LRP1B: variants seen among roughly 807,000 people sequenced by gnomAD.
LRP1B encodes the protein LDL receptor related protein 1B.
LRP1B carries 217 observed loss-of-function variants against 556.6 expected under a neutral mutation model. The observed-to-expected ratio is 0.39, with a 90% CI of 0.35 to 0.44. The LOEUF (loss-of-function observed/expected upper bound fraction) is 0.44. LRP1B is among the 20% of genes least tolerant of loss of function. The pLI is 1.00. For synonymous variants in LRP1B, 2,047 were observed against 1,865.8 expected (o/e 1.10, Z -2.50); for missense variants, 5,053 against 5,620.8 (o/e 0.90, Z 3.23).
chr2:140,613,613 G>T (rs1479093382), intron 41 of LRP1B, among the ~76,000 whole-genome samples: 3 of 150,904 alleles, frequency 2.0e-5, no homozygotes, highest in African/African-American at 4.9e-5. Flanking sequence ...TTCTCAACTA[G>T]GCCTCAGCCT....
chr2:141,376,072 T>C (rs1689421841), intron 3 of LRP1B, among the ~76,000 whole-genome samples: 1 of 152,170 alleles, frequency 6.6e-6, no homozygotes, highest in South Asian at 2.1e-4. Context: ...AGGAGTGCCA[T>C]GTCTCCCTTC....
At chr2:142,120,487 CT>C (rs1707423076) in intron 1 of LRP1B, among the ~76,000 whole-genome samples, 1 of 152,076 alleles carries the variant, frequency 6.6e-6, no homozygotes, top group Admixed American at 6.6e-5. Context: ...AATTTCTTCC[CT>C]TTTTCCTAAT....
At chr2:141,010,523 C>T (rs1369642280) in intron 14 of LRP1B, among the ~76,000 whole-genome samples, 1 of 148,156 alleles carries the variant, frequency 6.7e-6, no homozygotes, top group Non-Finnish European at 1.5e-5. Context: ...TGACAAGTCT[C>T]TTTTTTTTTT....
At chr2:141,792,300 C>T (rs1695640600) in intron 2 of LRP1B, among the ~76,000 whole-genome samples, 1 of 151,936 alleles carries the variant, frequency 6.6e-6, no homozygotes, top group Non-Finnish European at 1.5e-5. Flanking sequence ...CAGACCCATA[C>T]TTTTGACATT....
rs144153467 is a variant in LRP1B, at chr2:140,355,468, C to T, written c.11530+874G>A. Among the ~76,000 whole-genome samples, 176 of 152,008 alleles carry T rather than the reference C, an allele frequency of 1.2e-3. 4 individuals are homozygous for T. The highest frequency in any genetic ancestry group is 4.0e-3 in the African/African-American group (167 of 41,534). ...TAACTCAAAATGTAGATAAACATGA[C>T]GTGACTACACTTTTTCCCCTTTTGG... On this transcript the variant is annotated intron_variant, in intron 75 of 90. Coordinates refer to ENST00000389484, the MANE Select transcript of LRP1B (RefSeq NM_018557.3).
intron 1 of LRP1B, among the ~76,000 whole-genome samples, chr2:142,072,043 C>T (rs1232309860): frequency 1.3e-5 from 2 of 151,896 alleles, no homozygotes; most frequent in South Asian, 2.1e-4. Flanking sequence ...TCCCCATGCC[C>T]GAATAAGTAC....
At chr2:141,951,163 A>G (rs746494966) in intron 1 of LRP1B, among the ~76,000 whole-genome samples, 80 of 152,010 alleles carry the variant, frequency 5.3e-4, no homozygotes, top group Non-Finnish European at 9.0e-4. Flanking sequence ...GCTTTCTTCT[A>G]TGATCATTCC....
intron 7 of LRP1B, among the ~76,000 whole-genome samples, chr2:141,119,056 A>G (rs1238316119): frequency 6.6e-6 from 1 of 151,976 alleles, no homozygotes; most frequent in Non-Finnish European, 1.5e-5. Flanking sequence ...TGGAGACAAG[A>G]AGAGAGAAAA....
At chr2:141,283,047 G>A (rs1251036425) in intron 3 of LRP1B, among the ~76,000 whole-genome samples, 1 of 152,094 alleles carries the variant, frequency 6.6e-6, no homozygotes, top group Non-Finnish European at 1.5e-5. Flanking sequence ...GCCTAGCATG[G>A]TGCCTTGCTT....
At chr2:140,326,405 G>A (rs1318058326) in intron 79 of LRP1B, among the ~76,000 whole-genome samples, 2 of 152,036 alleles carry the variant, frequency 1.3e-5, no homozygotes, top group Admixed American at 6.6e-5. Flanking sequence ...TCGGATATCT[G>A]TGTGCATGCT....
chr2:141,927,248 C>T (rs1394839435), intron 1 of LRP1B, among the ~76,000 whole-genome samples: 2 of 152,060 alleles, frequency 1.3e-5, no homozygotes, highest in African/African-American at 4.8e-5. Flanking sequence ...TTATTATAAA[C>T]AGTCATATAC....
chr2:141,399,991 G>T (rs1690389953), intron 3 of LRP1B, among the ~76,000 whole-genome samples: 1 of 152,024 alleles, frequency 6.6e-6, no homozygotes, highest in African/African-American at 2.4e-5. Flanking sequence ...GTTTGGTTTG[G>T]TTTGATTTTT....
chr2:142,124,277 C>T (rs1397377140), intron 1 of LRP1B, among the ~76,000 whole-genome samples: 1 of 151,784 alleles, frequency 6.6e-6, no homozygotes, highest in Non-Finnish European at 1.5e-5. Context: ...AGGATACTTA[C>T]AAATTTGAAG....
intron 31 of LRP1B, among the ~76,000 whole-genome samples, chr2:140,837,091 T>C (rs1293168466): frequency 1.3e-5 from 2 of 152,234 alleles, no homozygotes; most frequent in Non-Finnish European, 2.9e-5. Context: ...TTCCAGTCTA[T>C]TGGACCTAAT....
intron 1 of LRP1B, among the ~76,000 whole-genome samples, chr2:142,117,627 G>GAGAGAGAGAGAGAA (rs1707320051): frequency 6.6e-6 from 1 of 151,106 alleles, no homozygotes; most frequent in Non-Finnish European, 1.5e-5. Flanking sequence ...GTGTGTGTGT[G>GAGAGAGAGAGAGAA]AGAGAGAGAG....
At chr2:141,372,752 C>T (rs1302586307) in intron 3 of LRP1B, among the ~76,000 whole-genome samples, 3 of 151,144 alleles carry the variant, frequency 2.0e-5, no homozygotes, top group African/African-American at 4.9e-5. Flanking sequence ...TGTTTATTTA[C>T]ATCTTCTCTC....
chr2:140,467,612 C>CA (rs36060070), intron 60 of LRP1B, among the ~76,000 whole-genome samples: 13,688 of 85,582 alleles, frequency 0.16, 1,348 homozygotes, highest in Non-Finnish European at 0.23. Context: ...AACTCCATCT[C>CA]AAAAAAAAAA....
At chr2:141,347,233 C>T (rs929074032) in intron 3 of LRP1B, among the ~76,000 whole-genome samples, 1 of 151,856 alleles carries the variant, frequency 6.6e-6, no homozygotes, top group African/African-American at 2.4e-5. Flanking sequence ...ATGCTACTTT[C>T]TGAGTCAGGT....
intron 35 of LRP1B, among the ~76,000 whole-genome samples, chr2:140,722,798 CTT>C (rs1395810202): frequency 6.6e-6 from 1 of 152,170 alleles, no homozygotes; most frequent in Admixed American, 6.5e-5. Context: ...AATCCCAACA[CTT>C]TGGGAGGCCG....
Sources: allele counts gnomAD v4.1 joint callset (sites outside exome capture counted in the v4.1 genomes callset), GRCh38; gene constraint gnomAD v4.1.1; transcripts MANE v1.5; gene names NCBI Gene and HGNC (gene_info 2026-07-23, HGNC 2026-07-21).